The following ARB2A variants were observed in gnomAD, a reference collection of about 807,000 sequenced individuals.
ARB2A encodes ARB2 cotranscriptional regulator A.
chr5:93,674,949 T>TA, the ARB2A span, among the ~76,000 whole-genome samples: 9 of 152,220 alleles, frequency 5.9e-5, no homozygotes, highest in Non-Finnish European at 1.3e-4. Flanking sequence ...TTACAATTTA[T>TA]AATTTATAAT....
chr5:93,763,114 G>A, the ARB2A span, among the ~76,000 whole-genome samples: 21 of 152,092 alleles, frequency 1.4e-4, no homozygotes, highest in East Asian at 1.2e-3. Flanking sequence ...AAAGACCATC[G>A]AGACTAGGAA....
the ARB2A span, among the ~76,000 whole-genome samples, chr5:93,898,289 T>A: frequency 6.6e-6 from 1 of 152,074 alleles, no homozygotes; most frequent in Non-Finnish European, 1.5e-5. Flanking sequence ...TTTGTTTTGT[T>A]TTGTTTTGTC....
At chr5:94,003,818 C>G in the ARB2A span, among the ~76,000 whole-genome samples, 5 of 151,986 alleles carry the variant, frequency 3.3e-5, no homozygotes, top group Non-Finnish European at 7.4e-5. Flanking sequence ...GAAATCTCAG[C>G]AAGATTTTTG....
chr5:93,849,695 A>T, the ARB2A span, among the ~76,000 whole-genome samples: 1 of 152,182 alleles, frequency 6.6e-6, no homozygotes, highest in Non-Finnish European at 1.5e-5. Context: ...TGACATATGC[A>T]AATTTTTGTC....
the ARB2A span, among the ~76,000 whole-genome samples, chr5:93,779,552 C>T: frequency 6.6e-6 from 1 of 152,022 alleles, no homozygotes; most frequent in African/African-American, 2.4e-5. Flanking sequence ...TTCTCAGGTC[C>T]CCTGAATAGG....
chr5:93,848,743 G>A, the ARB2A span, among the ~76,000 whole-genome samples: 144 of 152,268 alleles, frequency 9.5e-4, no homozygotes, highest in Non-Finnish European at 7.4e-4. Context: ...AGAACAAAGG[G>A]CTTCAAAGAA....
At chr5:94,087,289 C>T in the ARB2A span, among the ~76,000 whole-genome samples, 2 of 152,012 alleles carry the variant, frequency 1.3e-5, no homozygotes, top group African/African-American at 4.8e-5. Flanking sequence ...GCTTTGTAAT[C>T]CCACCTACTC....
the ARB2A span, among the ~76,000 whole-genome samples, chr5:94,087,695 T>C: frequency 1.3e-5 from 2 of 152,220 alleles, no homozygotes; most frequent in African/African-American, 4.8e-5. Context: ...GCAAGCTCCA[T>C]TAAGTGGTCT....
the ARB2A span, among the ~76,000 whole-genome samples, chr5:94,078,017 T>A: frequency 6.6e-6 from 1 of 152,212 alleles, no homozygotes; most frequent in South Asian, 2.1e-4. Context: ...AACAGTAGAA[T>A]ACTTCTTATT....
the ARB2A span, among the ~76,000 whole-genome samples, chr5:93,694,635 T>C: frequency 1.3e-5 from 2 of 152,214 alleles, no homozygotes; most frequent in Non-Finnish European, 2.9e-5. Flanking sequence ...ATAGATTCAA[T>C]GCTATCCCCA....
chr5:94,041,533 A>C, the ARB2A span, among the ~76,000 whole-genome samples: 684 of 152,254 alleles, frequency 4.5e-3, 5 homozygotes, highest in African/African-American at 0.015. Flanking sequence ...AATAATAATA[A>C]GAGCTTAAAT....
At chr5:94,000,577 T>C in the ARB2A span, among the ~76,000 whole-genome samples, 21 of 152,266 alleles carry the variant, frequency 1.4e-4, no homozygotes, top group Middle Eastern at 6.8e-3. Flanking sequence ...GATGTATCTA[T>C]TGCAATTTTT....
the ARB2A span, among the ~76,000 whole-genome samples, chr5:93,971,908 T>C: frequency 6.6e-6 from 1 of 152,180 alleles, no homozygotes; most frequent in East Asian, 1.9e-4. Flanking sequence ...GAGCAAATCC[T>C]GCCAAAGTCC....
chr5:93,943,247 T>G, the ARB2A span, among the ~76,000 whole-genome samples: 6 of 152,142 alleles, frequency 3.9e-5, no homozygotes, highest in Non-Finnish European at 8.8e-5. Context: ...AAATATGATA[T>G]TATCAATTTA....
chr5:94,013,815 T>C, the ARB2A span, among the ~76,000 whole-genome samples: 1 of 152,008 alleles, frequency 6.6e-6, no homozygotes, highest in African/African-American at 2.4e-5. Context: ...ATCCCAGAAC[T>C]CAAACATGAG....
At chr5:94,022,835 T>C in the ARB2A span, among the ~76,000 whole-genome samples, 2 of 152,242 alleles carry the variant, frequency 1.3e-5, no homozygotes, top group African/African-American at 4.8e-5. Context: ...CACTGGCTTG[T>C]AGGCCTTCAC....
At chr5:94,053,179 G>A in the ARB2A span, 27 of 1,596,184 alleles carry the variant, frequency 1.7e-5, no homozygotes, top group Admixed American at 6.9e-5. Context: ...ATCAAGAGGC[G>A]GTTCATCTTT....
At chr5:93,810,360 G>A in the ARB2A span, among the ~76,000 whole-genome samples, 1 of 151,954 alleles carries the variant, frequency 6.6e-6, no homozygotes. Context: ...CTACCTGATA[G>A]AGTTAAACTT....
chr5:93,864,747 A>G, the ARB2A span, among the ~76,000 whole-genome samples: 5 of 152,342 alleles, frequency 3.3e-5, no homozygotes, highest in South Asian at 1.0e-3. Flanking sequence ...CTAATGATAT[A>G]TCACTAGTTG....
Sources: allele counts gnomAD v4.1 joint callset (sites outside exome capture counted in the v4.1 genomes callset), GRCh38; gene constraint gnomAD v4.1.1; transcripts MANE v1.5; gene names NCBI Gene and HGNC (gene_info 2026-07-23, HGNC 2026-07-21).